The following ZZZ3 variants were observed in gnomAD, a reference collection of about 807,000 sequenced individuals.
ZZZ3 encodes the protein ZZ-type zinc finger-containing protein 3.
A neutral mutation model predicts 95.2 loss-of-function variants in ZZZ3; 22 were observed. The observed-to-expected ratio is 0.23, with a 90% CI of 0.17 to 0.33. The LOEUF (loss-of-function observed/expected upper bound fraction) is 0.33, where lower values mean the gene tolerates loss of function less well. Ranked by LOEUF, ZZZ3 falls within the 10% of genes least tolerant of loss-of-function variation. The pLI is 1.00. For synonymous variants in ZZZ3, 335 were observed against 358.9 expected (o/e 0.93, Z 0.75); for missense variants, 885 against 1,066.5 (o/e 0.83, Z 2.37).
chr1:77,581,176 T>C (rs1662481818), intron 8 of ZZZ3, 107 bp from the exon 9 acceptor site: 2 of 875,424 alleles, frequency 2.3e-6, no homozygotes, highest in African/African-American at 3.4e-5. Flanking sequence ...TTTCAAAATA[T>C]TTGAGTAAAT....
intron 1 of ZZZ3, among the ~76,000 whole-genome samples, chr1:77,670,232 G>A (rs1319910316): frequency 6.6e-6 from 1 of 151,020 alleles, no homozygotes; most frequent in East Asian, 1.9e-4. Context: ...TAATAAACCA[G>A]TACTGTCCTT....
intron 3 of ZZZ3, among the ~76,000 whole-genome samples, chr1:77,640,154 G>C (rs1425038876): frequency 2.0e-5 from 3 of 151,906 alleles, no homozygotes; most frequent in South Asian, 2.1e-4. Flanking sequence ...ATTATTTTTG[G>C]CATATGTATT....
chr1:77,589,065 A>G (rs1404363720), intron 5 of ZZZ3, among the ~76,000 whole-genome samples: 1 of 152,070 alleles, frequency 6.6e-6, no homozygotes, highest in Non-Finnish European at 1.5e-5. Context: ...TTTGTAGAGA[A>G]AGGGTCTTGC....
chr1:77,616,833 C>T (rs915537723), intron 5 of ZZZ3, among the ~76,000 whole-genome samples: 5 of 152,078 alleles, frequency 3.3e-5, no homozygotes, highest in African/African-American at 7.2e-5. Context: ...CGCCACTGCA[C>T]TCCAGCCTGG....
chr1:77,568,331 C>T lies in ZZZ3; in HGVS notation c.2466+1G>A. ...GAATCCTAAAATTAAATAGAACTTA[C>T]CTTAAAGCCCACATGTTGCACAAAT... is the stretch of plus-strand genomic sequence containing the variant. On this transcript the variant is annotated splice_donor_variant, in intron 13 of 14. Coordinates refer to ENST00000370801, the MANE Select transcript of ZZZ3 (RefSeq NM_015534.6). LOFTEE classifies it high-confidence loss of function. 1 of 1,575,510 alleles carries T rather than the reference C, an allele frequency of 6.3e-7. No individual in the cohort carries two copies. Among genetic ancestry groups the T allele is most frequent in the Non-Finnish European group, 8.6e-7 (1 of 1,167,000 alleles).
intron 1 of ZZZ3, among the ~76,000 whole-genome samples, chr1:77,644,762 T>C (rs896843771): frequency 1.3e-5 from 2 of 152,206 alleles, no homozygotes; most frequent in African/African-American, 4.8e-5. Context: ...CAAATTTTAG[T>C]GTGTCTAAGA....
intron 1 of ZZZ3, among the ~76,000 whole-genome samples, chr1:77,659,184 T>C (rs1274002450): frequency 1.3e-5 from 2 of 151,688 alleles, no homozygotes; most frequent in Non-Finnish European, 2.9e-5. Flanking sequence ...TGCATATATA[T>C]ATAAAATATA....
intron 1 of ZZZ3, among the ~76,000 whole-genome samples, chr1:77,643,343 G>C (rs1668956102): frequency 6.6e-6 from 1 of 152,124 alleles, no homozygotes; most frequent in Admixed American, 6.5e-5. Flanking sequence ...CTGCAAAACT[G>C]TTATATGCTT....
intron 5 of ZZZ3, among the ~76,000 whole-genome samples, chr1:77,596,723 A>C (rs966313605): frequency 6.6e-6 from 1 of 152,140 alleles, no homozygotes; most frequent in African/African-American, 2.4e-5. Flanking sequence ...ATTCACAATT[A>C]ACAATTCTGA....
At chr1:77,626,081 C>T (rs1172450103) in intron 5 of ZZZ3, among the ~76,000 whole-genome samples, 1 of 151,996 alleles carries the variant, frequency 6.6e-6, no homozygotes, top group Non-Finnish European at 1.5e-5. Flanking sequence ...CTTTTAGATA[C>T]CATCTACAGT....
intron 1 of ZZZ3, among the ~76,000 whole-genome samples, chr1:77,646,986 A>C (rs1669333978): frequency 6.6e-6 from 1 of 152,204 alleles, no homozygotes; most frequent in African/African-American, 2.4e-5. Context: ...ACCTCCTTAA[A>C]TCTTGAGCTG....
intron 4 of ZZZ3, among the ~76,000 whole-genome samples, chr1:77,638,777 C>A (rs1426548259): frequency 6.6e-6 from 1 of 152,016 alleles, no homozygotes; most frequent in East Asian, 1.9e-4. Context: ...AAAGTGTAAC[C>A]AATATGATTC....
chr1:77,634,141 G>A (rs914925735), intron 4 of ZZZ3, among the ~76,000 whole-genome samples: 2 of 152,062 alleles, frequency 1.3e-5, no homozygotes, highest in Non-Finnish European at 2.9e-5. Flanking sequence ...CTGCACTCCA[G>A]CTTGGGCGAC....
intron 5 of ZZZ3, among the ~76,000 whole-genome samples, chr1:77,614,289 G>A (rs928558891): frequency 2.0e-5 from 3 of 152,104 alleles, no homozygotes; most frequent in African/African-American, 4.8e-5. Context: ...CAGATGCCAC[G>A]TAATCATAGA....
At chr1:77,587,724 T>G (rs772985166) in intron 5 of ZZZ3, among the ~76,000 whole-genome samples, 13 of 152,132 alleles carry the variant, frequency 8.5e-5, no homozygotes, top group Non-Finnish European at 1.9e-4. Flanking sequence ...AACAATACAG[T>G]TGGCCCTTGA....
At chr1:77,596,701 G>C (rs1158031329) in intron 5 of ZZZ3, among the ~76,000 whole-genome samples, 2 of 151,914 alleles carry the variant, frequency 1.3e-5, no homozygotes, top group African/African-American at 4.8e-5. Context: ...TAGTTGATAA[G>C]AGTTTTTCAC....
Position 77,565,714 on chromosome 1 carries a change from C to G in ZZZ3, c.2638G>C (p.Asp880His). Residue 880 changes from aspartate (D) to histidine (H), a missense_variant, in exon 15 of 15, where the codon GAC (aspartate) becomes CAC (histidine). Coordinates refer to ENST00000370801, the MANE Select transcript of ZZZ3 (RefSeq NM_015534.6). ...EPIYRSETFL[D>H]RDYCVSQGTS... ...CCCTGAGACACACAGTAGTCTCTGT[C>G]TAAGAATGTCTCTGACCTATAAATA... 1 of 1,613,756 alleles carries G rather than the reference C, an allele frequency of 6.2e-7. No individual in the cohort carries two copies. Among genetic ancestry groups the G allele is most frequent in the Non-Finnish European group, 8.5e-7 (1 of 1,179,728 alleles).
At chr1:77,586,480 C>T (rs998955528) in intron 5 of ZZZ3, among the ~76,000 whole-genome samples, 1 of 152,074 alleles carries the variant, frequency 6.6e-6, no homozygotes, top group Non-Finnish European at 1.5e-5. Context: ...CATTGGCAGC[C>T]GTCTTTTTGT....
At position 77,565,778 on chromosome 1, in the gene ZZZ3, A is replaced by T. The variant is rs368654043; in HGVS notation, c.2574T>A (p.His858Gln). ...DFCDSCSDCLHETDIHKEDHQ... is the reference protein window; with the variant it reads ...DFCDSCSDCLQETDIHKEDHQ... Reference sequence around the variant, plus strand: ...GATCTTCCTTGTGAATATCTGTTTCATGTAGACTGTAAAGAAAAAAAGACA... The same window carrying T: ...GATCTTCCTTGTGAATATCTGTTTCTTGTAGACTGTAAAGAAAAAAAGACA... The change falls in exon 15 of 15, where the codon CAT becomes CAA. Residue 858 changes from histidine to glutamine, a missense_variant. His to Gln is a conservative substitution (Grantham distance 24). Around this residue, in one of 5 missense-constraint regions of ZZZ3, gnomAD observed 221 missense variants for 247.8 expected, o/e 0.89. Transcript: ENST00000370801. 26 of 1,611,876 alleles carry T rather than the reference A, an allele frequency of 1.6e-5. No individual in the cohort carries two copies. The African/African-American group carries it at 3.5e-4, about 22-fold the overall frequency.
Sources: gnomAD v4.1 joint callset for allele counts (sites outside exome capture counted in the v4.1 genomes callset) on GRCh38, gnomAD v4.1.1 for gene constraint, gnomAD v4.1.1 regional missense constraint, MANE v1.5 for transcripts, NCBI Gene and HGNC (gene_info 2026-07-23, HGNC 2026-07-21) for gene names.